Variants in ASTE1 observed in about 807,000 individuals in gnomAD.
ASTE1 encodes asteroid structure-specific endonuclease 1, also known as single-strand DNA endonuclease ASTE1.
A neutral mutation model predicts 45.8 loss-of-function variants in ASTE1; 49 were observed. The observed-to-expected ratio is 1.07, with a 90% CI of 0.85 to 1.36. ASTE1 has a LOEUF of 1.36. Among genes scored for constraint, ASTE1 ranks in the 40% most tolerant of loss-of-function variants. The probability of loss-of-function intolerance (pLI) is 0.00; values close to 1 mark genes in which losing one functional copy is unlikely to be tolerated. For synonymous variants in ASTE1, 296 were observed against 303.9 expected (o/e 0.97, Z 0.27); for missense variants, 709 against 804.0 (o/e 0.88, Z 1.43).
chr3:131,025,546 G>T lies in ASTE1; in HGVS notation c.-98C>A. The T allele has an allele frequency of 1.8e-6, 1 of 565,816 alleles. No homozygotes were observed. Among genetic ancestry groups the T allele is most frequent in the Non-Finnish European group, 2.8e-6 (1 of 352,408 alleles). 35.0% of individuals were successfully genotyped at this position (565,816 alleles called of 1,614,324 possible). On this transcript the variant is annotated 5_prime_UTR_variant, in exon 2 of 6. Transcript: ENST00000264992. Reference sequence around the variant, plus strand: ...TTCTGATACAAGGCACAAATTCAATGGTTTCATGGGTTGTAATCTTTGGAT... The same window carrying T: ...TTCTGATACAAGGCACAAATTCAATTGTTTCATGGGTTGTAATCTTTGGAT...
chr3:131,024,322 C>A lies in ASTE1; in HGVS notation c.985G>T (p.Val329Leu), dbSNP rs775998053. The A allele has an allele frequency of 9.7e-5, 157 of 1,614,100 alleles. 1 individual carries two copies. In the South Asian group the frequency reaches 1.6e-3, roughly 16 times the overall value. Residue 329 changes from valine (V) to leucine (L), a missense_variant, in exon 3 of 6, where the codon GTA becomes TTA. Val to Leu is a conservative substitution (Grantham distance 32). Transcript: ENST00000264992. ...DALNLGLPEWVLVALAKGQLS... is the reference protein window; with the variant it reads ...DALNLGLPEWLLVALAKGQLS... ...TGGCCTTTAGCTAAAGCCACTAATA[C>A]CCATTCTGGTAAACCAAGATTCAAG...
chr3:131,016,940 G>C (rs1275574847), intron 4 of ASTE1: 17 of 1,213,970 alleles, frequency 1.4e-5, no homozygotes, highest in Non-Finnish European at 1.8e-5. Flanking sequence ...GGGCAGGGGT[G>C]CACAAAATAA....
chr3:131,018,836 C>T (rs1037302856), intron 3 of ASTE1, 120 bp from the exon 4 acceptor site: 1 of 970,872 alleles, frequency 1.0e-6, no homozygotes, highest in African/African-American at 1.6e-5. Flanking sequence ...TTAAACTTAT[C>T]TTCTTGTGGG....
rs768739321 is a variant in ASTE1, at chr3:131,016,338, A to T, written c.1515T>A (p.Gly505=). The change falls in exon 5 of 6, where the codon GGT becomes GGA. Residue 505 remains glycine (G), a splice_region_variant and synonymous_variant. Transcript: ENST00000264992. The stretch of plus-strand genomic sequence containing the variant: ...CACCATCTTCCTGCAGCTCTTCCTT[A>T]CCTAAATAAAGAAACAGCCCAAGGG... The part of the protein sequence containing the change: ...GPLIAIINSP[G]KEELQEDGAK... 2 of 1,614,074 alleles carry T rather than the reference A, an allele frequency of 1.2e-6. No individual in the cohort carries two copies. Among genetic ancestry groups the T allele is most frequent in the African/African-American group, 2.7e-5 (2 of 74,922 alleles).
In ASTE1 at chr3:131,014,310, A is replaced by G. The variant is rs776050992; in HGVS notation, c.1787T>C (p.Ile596Thr). 6.8e-6 allele frequency: 11 copies of G among 1,613,994 alleles called. No individual in the cohort carries two copies. The highest frequency in any genetic ancestry group is 9.3e-6 in the Non-Finnish European group (11 of 1,179,966). ...ATAAAGTTGCTTAGCCTCAGGACAT[A>G]TGCTCAGGAGACTTTCTACAGAGGT... is the stretch of plus-strand genomic sequence containing the variant. ...ASTSVESLLSICPEAKQLYEY... is the reference protein window; with the variant it reads ...ASTSVESLLSTCPEAKQLYEY... The change falls in exon 6 of 6, where the codon ATA (isoleucine) becomes ACA (threonine). Residue 596 changes from isoleucine to threonine, a missense_variant. Physicochemically the swap from Ile to Thr is moderately conservative, Grantham distance 89. Coordinates refer to ENST00000264992, the MANE Select transcript of ASTE1 (RefSeq NM_014065.4).
chr3:131,015,504 C>T (rs544374476), intron 5 of ASTE1, among the ~76,000 whole-genome samples: 1 of 152,294 alleles, frequency 6.6e-6, no homozygotes, highest in Non-Finnish European at 1.5e-5. Flanking sequence ...ATTATAATTA[C>T]TCTGTGGCAC....
intron 3 of ASTE1, among the ~76,000 whole-genome samples, chr3:131,021,777 C>T (rs1011147021): frequency 6.6e-6 from 1 of 152,104 alleles, no homozygotes; most frequent in Non-Finnish European, 1.5e-5. Flanking sequence ...GTAGACATCT[C>T]AAAACTCATC....
Position 131,024,543 on chromosome 3 carries a change from C to T in ASTE1, c.764G>A (p.Arg255Gln), listed in dbSNP as rs763888340. ...CAACCAATTCAGAAGTCCCAGGATTCGGTGGTGTCTCCTCCCTTTAGAACT... is the reference window on the plus strand; with the variant it reads ...CAACCAATTCAGAAGTCCCAGGATTTGGTGGTGTCTCCTCCCTTTAGAACT... Reference protein sequence around the residue: ...ATSSKGRRHHRILGLLNWLSH... With the variant: ...ATSSKGRRHHQILGLLNWLSH... Residue 255 changes from arginine to glutamine, a missense_variant, in exon 3 of 6, where the codon CGA (arginine) becomes CAA (glutamine). Transcript: ENST00000264992. The T allele has an allele frequency of 3.7e-5, 60 of 1,613,974 alleles. No homozygotes were observed. Among genetic ancestry groups the T allele is most frequent in the Middle Eastern group, 1.6e-4 (1 of 6,084 alleles).
In ASTE1 at chr3:131,016,133, A is replaced by G. The variant is rs1362127613; in HGVS notation, c.1709+11T>C. 5 of 1,613,174 alleles carry G rather than the reference A, an allele frequency of 3.1e-6. No homozygotes were observed. Among genetic ancestry groups the G allele is most frequent in the African/African-American group, 2.7e-5 (2 of 74,762 alleles). On this transcript the variant is annotated intron_variant, in intron 5 of 5. Coordinates refer to ENST00000264992, the MANE Select transcript of ASTE1 (RefSeq NM_014065.4). The stretch of plus-strand genomic sequence containing the variant: ...GCTTCCATCTGAACTAAAGTTTCCC[A>G]TGGTGCTTACCGAGTTAGGTCTGGC...
intron 3 of ASTE1, among the ~76,000 whole-genome samples, chr3:131,021,524 G>C (rs2063742520): frequency 6.6e-6 from 1 of 152,208 alleles, no homozygotes; most frequent in African/African-American, 2.4e-5. Context: ...AGTGATTATA[G>C]AGAGTTGCAG....
intron 2 of ASTE1, 26 bp downstream of exon 2, chr3:131,025,448 T>C (rs1204343729): frequency 1.5e-6 from 2 of 1,315,376 alleles, no homozygotes; most frequent in Non-Finnish European, 2.0e-6. Flanking sequence ...AGATAGAACA[T>C]AGATATCAAC....
At chr3:131,023,312 C>G (rs1421259418) in intron 3 of ASTE1, among the ~76,000 whole-genome samples, 2 of 151,902 alleles carry the variant, frequency 1.3e-5, no homozygotes, top group Admixed American at 6.6e-5. Flanking sequence ...ATGTCTAAAT[C>G]TAGTTCTTTT....
At chr3:131,017,969 CAAAAAAAAAAAAAAA>C (rs10555602) in intron 4 of ASTE1, among the ~76,000 whole-genome samples, 14 of 44,822 alleles carry the variant, frequency 3.1e-4, no homozygotes, top group South Asian at 1.5e-3. Context: ...GACTCCATCT[CAAAAAAAAAAAAAAA>C]AAAAAAAAAA....
At position 131,025,128 on chromosome 3, in the gene ASTE1, A is replaced by AT. The variant is rs781464189; in HGVS notation, c.178_179insA (p.Val60AspfsTer6). On this transcript the variant is annotated frameshift_variant, in exon 3 of 6. Coordinates refer to ENST00000264992, the MANE Select transcript of ASTE1 (RefSeq NM_014065.4). LOFTEE classifies it high-confidence loss of function. ...AAACAGTGATTCAAAGAATTTTTGT[A>AT]CAACATCTGCAAAAGAATCATAGTC... The AT allele has an allele frequency of 4.5e-5, 73 of 1,614,082 alleles. No individual in the cohort carries two copies. Among genetic ancestry groups the AT allele is most frequent in the Non-Finnish European group, 6.1e-5 (72 of 1,180,038 alleles).
At chr3:131,023,880 G>C (rs550678064) in intron 3 of ASTE1, 125 bp downstream of exon 3, 2 of 982,398 alleles carry the variant, frequency 2.0e-6, no homozygotes, top group Middle Eastern at 3.3e-4. Flanking sequence ...TCTTAGCTAC[G>C]ACATGAGGGC....
rs2063831107 is a variant in ASTE1 at position 131,025,545 on chromosome 3, T to C, written c.-97A>G. On this transcript the variant is annotated 5_prime_UTR_variant, in exon 2 of 6. Transcript: ENST00000264992. Reference sequence around the variant, plus strand: ...TTTCTGATACAAGGCACAAATTCAATGGTTTCATGGGTTGTAATCTTTGGA... The same window carrying C: ...TTTCTGATACAAGGCACAAATTCAACGGTTTCATGGGTTGTAATCTTTGGA... 8.6e-6 allele frequency: 5 copies of C among 582,102 alleles called. No homozygotes were observed. The highest frequency in any genetic ancestry group is 8.2e-6 in the Non-Finnish European group (3 of 364,192). 36.1% of individuals were successfully genotyped at this position (582,102 alleles called of 1,614,324 possible).
chr3:131,022,697 G>T lies in ASTE1; in HGVS notation c.1302+1308C>A, dbSNP rs553124224. ...CTTCACCCCCAACCAAAGAAACCCT[G>T]GGGGTTTAACAGTCACTCGCCAATG... On this transcript the variant is annotated intron_variant, in intron 3 of 5. Transcript: ENST00000264992. Among the ~76,000 whole-genome samples, 12 of 152,144 alleles carry T rather than the reference G, an allele frequency of 7.9e-5. No individual in the cohort carries two copies. In the South Asian group the frequency reaches 2.1e-3, roughly 26 times the overall value.
At chr3:131,018,474 AC>A in intron 4 of ASTE1, 31 bp downstream of exon 4, 1 of 1,595,530 alleles carries the variant, frequency 6.3e-7, no homozygotes, top group South Asian at 1.1e-5. Context: ...GCAACATGCC[AC>A]AATATACTCC....
intron 4 of ASTE1, 101 bp from the exon 5 acceptor site, chr3:131,016,440 T>C: frequency 2.2e-6 from 3 of 1,344,468 alleles, no homozygotes; most frequent in Non-Finnish European, 3.1e-6. Context: ...AAGAAATTAA[T>C]TTAAAAAAAC....
Sources: gnomAD v4.1 joint callset for allele counts (sites outside exome capture counted in the v4.1 genomes callset) on GRCh38, gnomAD v4.1.1 for gene constraint, MANE v1.5 for transcripts, NCBI Gene and HGNC (gene_info 2026-07-23, HGNC 2026-07-21) for gene names.